GPC6: variants seen among roughly 807,000 people sequenced by gnomAD.
GPC6 encodes glypican 6, also known as glypican-6.
Under a neutral mutation model 55.2 loss-of-function variants are expected in GPC6, and 14 were observed. The ratio of observed to expected loss-of-function variants is 0.25; its 90% CI spans 0.17 to 0.40. GPC6 has a LOEUF of 0.40. Ranked by LOEUF, GPC6 falls within the 10% of genes least tolerant of loss-of-function variation. GPC6 has a pLI of 1.00. For synonymous variants in GPC6, 278 were observed against 259.6 expected, an observed-to-expected ratio of 1.07 and a Z score of -0.68; for missense variants, 641 against 708.5, an observed-to-expected ratio of 0.90 and a Z score of 1.08.
chr13:94,069,746 G>A (rs1320815868), intron 4 of GPC6, among the ~76,000 whole-genome samples: 2 of 152,136 alleles, frequency 1.3e-5, no homozygotes, highest in Admixed American at 6.5e-5. Flanking sequence ...CATAACAAAA[G>A]TCACCTTTGC....
intron 2 of GPC6, among the ~76,000 whole-genome samples, chr13:93,583,525 TCTCCTGACTCAGC>T (rs990290304): frequency 1.3e-5 from 2 of 152,246 alleles, no homozygotes; most frequent in Non-Finnish European, 1.5e-5. Context: ...TTCAAGGGAT[TCTCCTGACTCAGC>T]CTCCTGAGTA....
intron 3 of GPC6, among the ~76,000 whole-genome samples, chr13:93,859,726 C>A (rs1194517194): frequency 1.6e-4 from 25 of 151,570 alleles, no homozygotes; most frequent in Admixed American, 1.5e-3. Context: ...ATTTTGATTT[C>A]TGTGAGCTAC....
chr13:93,778,322 T>C (rs1292656070), intron 2 of GPC6, among the ~76,000 whole-genome samples: 1 of 152,142 alleles, frequency 6.6e-6, no homozygotes, highest in Non-Finnish European at 1.5e-5. Flanking sequence ...TCTGTTACTG[T>C]TGGTACCAAA....
At chr13:93,393,121 TATATATAG>T (rs1195712001) in intron 1 of GPC6, among the ~76,000 whole-genome samples, 1,678 of 79,818 alleles carry the variant, frequency 0.021, 12 homozygotes, top group South Asian at 0.045. Flanking sequence ...TATATATATA[TATATATAG>T]AGAGAGAGAG....
chr13:93,498,696 A>G (rs1053805550), intron 1 of GPC6, among the ~76,000 whole-genome samples: 5 of 152,142 alleles, frequency 3.3e-5, no homozygotes, highest in Admixed American at 1.3e-4. Context: ...GTGGAACTGT[A>G]AGTTCAACTA....
At chr13:93,623,751 C>T (rs1879068648) in intron 2 of GPC6, among the ~76,000 whole-genome samples, 1 of 151,994 alleles carries the variant, frequency 6.6e-6, no homozygotes, top group South Asian at 2.1e-4. Flanking sequence ...GGCCACCGCG[C>T]CTGGCCTCTT....
At chr13:93,462,572 T>C (rs1389626962) in intron 1 of GPC6, among the ~76,000 whole-genome samples, 1 of 151,426 alleles carries the variant, frequency 6.6e-6, no homozygotes, top group African/African-American at 2.4e-5. Flanking sequence ...CTGAAGTTTG[T>C]CAGTGGATTC....
intron 4 of GPC6, among the ~76,000 whole-genome samples, chr13:94,121,036 G>A (rs982838502): frequency 3.9e-5 from 6 of 152,038 alleles, no homozygotes; most frequent in African/African-American, 1.4e-4. Flanking sequence ...AAGATTAATG[G>A]GAGGGAAACA....
intron 1 of GPC6, among the ~76,000 whole-genome samples, chr13:93,425,165 T>C (rs1877076834): frequency 6.6e-6 from 1 of 152,174 alleles, no homozygotes; most frequent in African/African-American, 2.4e-5. Context: ...TCGTGATGAA[T>C]GAATTACAAA....
intron 4 of GPC6, among the ~76,000 whole-genome samples, chr13:94,044,935 A>T (rs1277721262): frequency 1.3e-5 from 2 of 151,884 alleles, no homozygotes; most frequent in African/African-American, 2.4e-5. Context: ...GGATTTTTTT[A>T]AAACTAGGAT....
intron 4 of GPC6, among the ~76,000 whole-genome samples, chr13:94,221,185 A>G (rs1218674520): frequency 2.0e-5 from 3 of 152,124 alleles, no homozygotes; most frequent in African/African-American, 4.8e-5. Flanking sequence ...TAAAAGACCT[A>G]TATCCATAAA....
At chr13:93,601,072 G>A (rs182407802) in intron 2 of GPC6, among the ~76,000 whole-genome samples, 118 of 151,624 alleles carry the variant, frequency 7.8e-4, no homozygotes, top group Middle Eastern at 3.4e-3. Context: ...AGGAAAAGAC[G>A]AGGGGAAAAC....
At chr13:93,818,356 T>C (rs1271564027) in intron 2 of GPC6, 1 of 152,136 alleles carries the variant, frequency 6.6e-6, no homozygotes, top group Non-Finnish European at 1.5e-5. Context: ...TAGCTTTCAA[T>C]TAAGATGTAA....
intron 3 of GPC6, among the ~76,000 whole-genome samples, chr13:94,009,357 C>A (rs1473150850): frequency 1.3e-5 from 2 of 152,134 alleles, no homozygotes; most frequent in African/African-American, 4.8e-5. Context: ...AGCAGACCTG[C>A]TTGCAAAGGA....
chr13:93,690,574 T>C (rs1882224293), intron 2 of GPC6, among the ~76,000 whole-genome samples: 1 of 152,060 alleles, frequency 6.6e-6, no homozygotes, highest in Non-Finnish European at 1.5e-5. Flanking sequence ...CCTATTCATT[T>C]TCCCAAGAAC....
intron 3 of GPC6, among the ~76,000 whole-genome samples, chr13:93,847,746 T>C (rs1888240633): frequency 6.6e-6 from 1 of 152,102 alleles, no homozygotes; most frequent in African/African-American, 2.4e-5. Flanking sequence ...ATGGAATTGA[T>C]ACTTTCACCG....
chr13:94,041,436 A>T (rs1324376703), intron 4 of GPC6, among the ~76,000 whole-genome samples: 1 of 151,844 alleles, frequency 6.6e-6, no homozygotes, highest in African/African-American at 2.4e-5. Context: ...GCATTAGGGG[A>T]CTTATTTTTA....
At chr13:94,071,668 A>G (rs1884740931) in intron 4 of GPC6, among the ~76,000 whole-genome samples, 2 of 152,224 alleles carry the variant, frequency 1.3e-5, no homozygotes, top group Admixed American at 6.5e-5. Context: ...GTAAAACTTC[A>G]GAGAAGACAA....
rs117069327 is a variant in GPC6 at position 93,329,723 on chromosome 13, C to T, written c.160+102107C>T. 2.6e-4 allele frequency among the ~76,000 whole-genome samples: 39 copies of T among 152,030 alleles called. No individual in the cohort carries two copies. In the East Asian group the frequency reaches 3.5e-3, roughly 14 times the overall value. On this transcript the variant is annotated intron_variant, in intron 1 of 8. Transcript: ENST00000377047. ...TCTTCCAGGCTTCTCCCTGAAACAC[C>T]GCAAGCGTAAGTGGAAATGAGTTCC...
Sources: allele counts gnomAD v4.1 joint callset (sites outside exome capture counted in the v4.1 genomes callset), GRCh38; gene constraint gnomAD v4.1.1; transcripts MANE v1.5; gene names NCBI Gene and HGNC (gene_info 2026-07-23, HGNC 2026-07-21).